N4BP2: variants seen among roughly 807,000 people sequenced by gnomAD.
The protein encoded by N4BP2 is NEDD4-binding protein 2.
In N4BP2, 91 loss-of-function variants were observed where a neutral mutation model predicts 152.8. That is an observed-to-expected ratio of 0.60 (90% CI 0.50 to 0.71). The LOEUF is 0.71. Ranked by LOEUF, N4BP2 falls within the 30% of genes least tolerant of loss-of-function variation. N4BP2 has a pLI of 0.00. For missense variants in N4BP2, 1,923 were observed against 2,059.1 expected, an observed-to-expected ratio of 0.93 and a Z score of 1.28; for synonymous variants, 646 against 705.3, an observed-to-expected ratio of 0.92 and a Z score of 1.33.
chr4:40,071,284 T>TATCCC (rs148322475), intron 1 of N4BP2, among the ~76,000 whole-genome samples: 3,517 of 152,254 alleles, frequency 0.023, 137 homozygotes, highest in African/African-American at 0.079. Flanking sequence ...CTTCTTCCTC[T>TATCCC]ATCCCCTATA....
intron 12 of N4BP2, among the ~76,000 whole-genome samples, chr4:40,130,849 CA>C (rs1478278317): frequency 1.3e-5 from 2 of 152,054 alleles, no homozygotes; most frequent in African/African-American, 2.4e-5. Context: ...ATTTTTGTAG[CA>C]AACAAAATTA....
chr4:40,082,674 ACCT>A (rs1713505924), intron 2 of N4BP2, among the ~76,000 whole-genome samples: 1 of 148,024 alleles, frequency 6.8e-6, no homozygotes, highest in Non-Finnish European at 1.5e-5. Flanking sequence ...CCAACCCAAC[ACCT>A]CCTGGTGCTT....
chr4:40,162,210 G>A (rs1175675702), downstream of N4BP2, among the ~76,000 whole-genome samples: 1 of 152,174 alleles, frequency 6.6e-6, no homozygotes, highest in Non-Finnish European at 1.5e-5. Flanking sequence ...CTCATTAGAA[G>A]TAGAGCTGGG....
Position 40,102,663 on chromosome 4 carries a change from A to C in N4BP2, c.818A>C (p.Glu273Ala). 3 of 1,614,186 alleles carry C rather than the reference A, an allele frequency of 1.9e-6. No individual in the cohort carries two copies. The highest frequency in any genetic ancestry group is 2.5e-6 in the Non-Finnish European group (3 of 1,180,042). Residue 273 changes from glutamate (E) to alanine (A), a missense_variant, in exon 4 of 18, where the codon GAG becomes GCG. Coordinates refer to ENST00000261435, the MANE Select transcript of N4BP2 (RefSeq NM_018177.6). ...AAACAGAAAGAACTTTTAGAATCTG[A>C]GTGCGTTGAGGCTCAATTCTCTGAA... is the stretch of plus-strand genomic sequence containing the variant. ...NQKQKELLES[E>A]CVEAQFSEAP...
intron 14 of N4BP2, among the ~76,000 whole-genome samples, chr4:40,140,077 C>A (rs576356833): frequency 2.0e-4 from 31 of 152,226 alleles, no homozygotes; most frequent in African/African-American, 7.5e-4. Flanking sequence ...CAGGCGTGAG[C>A]CACCATGCCC....
chr4:40,070,074 A>G (rs977873003), intron 1 of N4BP2, among the ~76,000 whole-genome samples: 3 of 152,214 alleles, frequency 2.0e-5, no homozygotes, highest in African/African-American at 4.8e-5. Flanking sequence ...CATTAGGAAA[A>G]TAGAGATATA....
intron 16 of N4BP2, among the ~76,000 whole-genome samples, chr4:40,147,591 C>T (rs1318064864): frequency 6.8e-6 from 1 of 147,746 alleles, no homozygotes; most frequent in African/African-American, 2.5e-5. Context: ...GGGGGCTGAC[C>T]CCCCCACCTC....
At chr4:40,130,185 C>T (rs1718789322) in intron 12 of N4BP2, among the ~76,000 whole-genome samples, 1 of 151,832 alleles carries the variant, frequency 6.6e-6, no homozygotes, top group African/African-American at 2.4e-5. Context: ...ATCACCACAC[C>T]TGGCCAAAAA....
chr4:40,136,914 A>G, intron 13 of N4BP2, 30 bp from the exon 14 acceptor site: 1 of 1,526,600 alleles, frequency 6.6e-7, no homozygotes, highest in African/African-American at 1.4e-5. Context: ...TCATTTATTG[A>G]CATTATGTTT....
intron 6 of N4BP2, among the ~76,000 whole-genome samples, chr4:40,113,116 C>T (rs1717040464): frequency 1.3e-5 from 2 of 152,120 alleles, no homozygotes; most frequent in Admixed American, 1.3e-4. Context: ...TATGCCTTCA[C>T]TTATTTAGTC....
At chr4:40,151,612 C>T (rs796751364) in intron 16 of N4BP2, among the ~76,000 whole-genome samples, 1 of 152,142 alleles carries the variant, frequency 6.6e-6, no homozygotes, top group South Asian at 2.1e-4. Context: ...ATGTAAAGAA[C>T]AGTGCCCAAA....
the N4BP2 span, among the ~76,000 whole-genome samples, chr4:40,179,849 C>T: frequency 4.0e-5 from 6 of 149,726 alleles, no homozygotes; most frequent in Non-Finnish European, 8.9e-5. Context: ...ACGACAACCT[C>T]CACCTCCTGG....
rs375260877 is a variant in N4BP2 at position 40,069,496 on chromosome 4, C to T, written c.-211-3959C>T. On this transcript the variant is annotated intron_variant, in intron 1 of 17. Coordinates refer to ENST00000261435, the MANE Select transcript of N4BP2 (RefSeq NM_018177.6). ...TGGTTGAATTTTTCTTTTTTCTTCT[C>T]GACATGTAAGGACAGATAACCTATA... 6.6e-5 allele frequency among the ~76,000 whole-genome samples: 10 copies of T among 152,088 alleles called. No individual in the cohort carries two copies. In the East Asian group the frequency reaches 1.2e-3, roughly 18 times the overall value.
chr4:40,091,676 G>A (rs1714562940), intron 2 of N4BP2, among the ~76,000 whole-genome samples: 1 of 142,514 alleles, frequency 7.0e-6, no homozygotes. Flanking sequence ...TGTGATCATG[G>A]CTCACTGAAG....
chr4:40,139,956 C>T (rs1719764972), intron 14 of N4BP2, among the ~76,000 whole-genome samples: 1 of 151,434 alleles, frequency 6.6e-6, no homozygotes, highest in African/African-American at 2.4e-5. Flanking sequence ...TGAACCACCA[C>T]ACCTGGCTAA....
rs772190334 is a variant in N4BP2, at chr4:40,120,056, A to G, written c.1945A>G (p.Asn649Asp). 1.9e-6 allele frequency: 3 copies of G among 1,609,770 alleles called. No homozygotes were observed. The Admixed American group carries it at 5.0e-5, about 27-fold the overall frequency. The stretch of plus-strand genomic sequence containing the variant: ...AACCAAAGAAACAATGTTACCTGAG[A>G]ATGTTGCATATCTCTCTAATGCAGA... ...DVTKETMLPE[N>D]VAYLSNADLN... is the part of the protein sequence containing the mutation. Residue 649 changes from asparagine (N) to aspartate (D), a missense_variant, in exon 9 of 18, where the codon AAT (asparagine) becomes GAT (aspartate). Transcript: ENST00000261435.
Position 40,120,364 on chromosome 4 carries a change from A to G in N4BP2, c.2253A>G (p.Ser751=). Residue 751 remains serine (S), a synonymous_variant, in exon 9 of 18, where the codon TCA becomes TCG. Transcript: ENST00000261435. ...NSGPLQNEKS[S]PGEIVEERAT... is the part of the protein sequence containing the mutation. ...GACCACTTCAAAATGAAAAATCCTC[A>G]CCTGGTGAAATAGTGGAAGAAAGAG... 6.2e-7 allele frequency: 1 copy of G among 1,613,194 alleles called. No individual in the cohort carries two copies. Among genetic ancestry groups the G allele is most frequent in the South Asian group, 1.1e-5 (1 of 91,028 alleles).
rs534686637 is a variant in N4BP2 at position 40,149,902 on chromosome 4, G to GAA, written c.5144-2863_5144-2862dup. ...ACAGAGCGAGACTCCATCTCAAAAA[G>GAA]AAAAAAAAAAAAAAAAGAAAGAAAA... On this transcript the variant is annotated intron_variant, in intron 16 of 17. Coordinates refer to ENST00000261435, the MANE Select transcript of N4BP2 (RefSeq NM_018177.6). Among the ~76,000 whole-genome samples the GAA allele has an allele frequency of 4.2e-5, 4 of 95,330 alleles. No homozygotes were observed. In the East Asian group the frequency reaches 8.6e-4, roughly 21 times the overall value. 62.5% of individuals were successfully genotyped at this position (95,330 alleles called of 152,430 possible).
chr4:40,137,143 G>A, intron 14 of N4BP2, 61 bp downstream of exon 14: 4 of 1,286,582 alleles, frequency 3.1e-6, no homozygotes, highest in East Asian at 2.4e-5. Context: ...AATATAATTG[G>A]TTCATTGAGT....
Sources: gnomAD v4.1 joint callset for allele counts (sites outside exome capture counted in the v4.1 genomes callset) on GRCh38, gnomAD v4.1.1 for gene constraint, MANE v1.5 for transcripts, NCBI Gene and HGNC (gene_info 2026-07-23, HGNC 2026-07-21) for gene names.